The following PASD1 variants were observed in gnomAD, a reference collection of about 807,000 sequenced individuals.
The protein encoded by PASD1 is circadian clock protein PASD1.
In PASD1, 13 loss-of-function variants were observed where a neutral mutation model predicts 58.8. The ratio of observed to expected loss-of-function variants is 0.22; its 90% CI spans 0.14 to 0.35. The LOEUF (loss-of-function observed/expected upper bound fraction) is 0.35. Among genes scored for constraint, PASD1 ranks in the 10% least tolerant of loss-of-function variants. The pLI, the probability that PASD1 is intolerant of heterozygous loss-of-function variation, is 1.00. For missense variants in PASD1, 734 were observed against 568.3 expected, an observed-to-expected ratio of 1.29 and a Z score of -2.96; for synonymous variants, 236 against 216.7, an observed-to-expected ratio of 1.09 and a Z score of -0.78.
At chrX:151,565,403 C>T (rs1202800568) in intron 1 of PASD1, among the ~76,000 whole-genome samples, 1 of 111,338 alleles carries the variant, frequency 9.0e-6, no homozygotes, top group Non-Finnish European at 1.9e-5. Context: ...CTAGCACTTC[C>T]TTAGGAGAGT....
intron 11 of PASD1, among the ~76,000 whole-genome samples, chrX:151,668,526 A>G (rs5969814): frequency 0.024 from 2,633 of 110,854 alleles, 76 homozygotes; most frequent in African/African-American, 0.081. Flanking sequence ...TAAAGGGGAT[A>G]TCACCGCCAA....
At chrX:151,638,312 G>A (rs1288314963) in intron 8 of PASD1, among the ~76,000 whole-genome samples, 1 of 109,082 alleles carries the variant, frequency 9.2e-6, no homozygotes, top group Non-Finnish European at 1.9e-5. Flanking sequence ...GGGGCTGGGG[G>A]AGAGATAGCA....
intron 1 of PASD1, among the ~76,000 whole-genome samples, chrX:151,577,551 G>GTCT (rs1317797552): frequency 2.7e-5 from 3 of 111,276 alleles, no homozygotes; most frequent in African/African-American, 9.8e-5. Flanking sequence ...ATGAGATGAA[G>GTCT]TCTTGCTCTG....
intron 11 of PASD1, among the ~76,000 whole-genome samples, chrX:151,664,937 A>G (rs765135058): frequency 1.8e-5 from 2 of 112,259 alleles, no homozygotes; most frequent in East Asian, 2.8e-4. Flanking sequence ...TGTGTACATA[A>G]CCACAGATTT....
At chrX:151,635,044 T>G (rs1197789422) in intron 8 of PASD1, among the ~76,000 whole-genome samples, 1 of 111,836 alleles carries the variant, frequency 8.9e-6, no homozygotes, top group African/African-American at 3.3e-5. Flanking sequence ...ATTTATTTAT[T>G]CACTGGCTTA....
intron 1 of PASD1, among the ~76,000 whole-genome samples, chrX:151,593,101 T>C (rs1602915809): frequency 9.0e-6 from 1 of 111,238 alleles, no homozygotes; most frequent in East Asian, 2.8e-4. Context: ...GTCCCTTCTT[T>C]TCCCTAGTGA....
At chrX:151,585,736 G>A (rs932915465) in intron 1 of PASD1, among the ~76,000 whole-genome samples, 1 of 111,694 alleles carries the variant, frequency 9.0e-6, no homozygotes, top group African/African-American at 3.3e-5. Flanking sequence ...ATAGATTGAT[G>A]ATATTCATGC....
At chrX:151,625,566 A>G in intron 8 of PASD1, 36 bp downstream of exon 8, 1 of 1,041,389 alleles carries the variant, frequency 9.6e-7, no homozygotes, top group Non-Finnish European at 1.3e-6. Flanking sequence ...ATGAAGATCT[A>G]GAATTCAATT....
chrX:151,653,672 C>G (rs1164985693), intron 9 of PASD1, among the ~76,000 whole-genome samples: 1 of 104,958 alleles, frequency 9.5e-6, no homozygotes, highest in African/African-American at 3.4e-5. Flanking sequence ...TCTTTCCTTC[C>G]TTCCTTCCTT....
At chrX:151,622,617 A>ACACACT (rs1303122421) in intron 6 of PASD1, among the ~76,000 whole-genome samples, 1 of 104,946 alleles carries the variant, frequency 9.5e-6, no homozygotes, top group East Asian at 3.2e-4. Context: ...ACACACACAC[A>ACACACT]CTCCCACACA....
At chrX:151,669,497 G>A (rs762100266) in intron 11 of PASD1, among the ~76,000 whole-genome samples, 1 of 110,232 alleles carries the variant, frequency 9.1e-6, no homozygotes, top group Admixed American at 9.8e-5. Context: ...TGTTCCTAAC[G>A]TTTAACTGTA....
intron 9 of PASD1, 28 bp downstream of exon 9, chrX:151,648,730 A>T (rs140997291): frequency 5.1e-5 from 61 of 1,187,414 alleles, no homozygotes; most frequent in South Asian, 4.0e-4. Flanking sequence ...CATAGACTAC[A>T]ATCTTAGACC....
Position 151,672,239 on chromosome X carries a change from G to A in PASD1, c.1494G>A (p.Glu498=), listed in dbSNP as rs762240485. 2 of 1,164,848 alleles carry A rather than the reference G, an allele frequency of 1.7e-6. No individual in the cohort carries two copies. Among genetic ancestry groups the A allele is most frequent in the South Asian group, 1.9e-5 (1 of 52,132 alleles). ...HLKEQQRQLR[E]QLQQLREQRK... The stretch of plus-strand genomic sequence containing the variant: ...AGGAGCAGCAGCGGCAGCTGCGGGA[G>A]CAGCTGCAACAGCTGAGAGAGCAAA... Residue 498 remains glutamate, a synonymous_variant, in exon 14 of 16, where the codon GAG becomes GAA. Coordinates refer to ENST00000370357, the MANE Select transcript of PASD1 (RefSeq NM_173493.3).
intron 1 of PASD1, among the ~76,000 whole-genome samples, chrX:151,593,449 G>A (rs1242234872): frequency 2.2e-5 from 2 of 92,836 alleles, no homozygotes; most frequent in Non-Finnish European, 4.1e-5. Context: ...CTGTGTCCAA[G>A]TGTTCTCATT....
chrX:151,655,879 C>T (rs1206585567), intron 9 of PASD1, among the ~76,000 whole-genome samples: 110 of 111,936 alleles, frequency 9.8e-4, no homozygotes, highest in Non-Finnish European at 1.8e-3. Context: ...TTTGTCAATT[C>T]TGGCTTTTGT....
At chrX:151,565,325 A>G (rs1286554955) in intron 1 of PASD1, among the ~76,000 whole-genome samples, 1 of 111,947 alleles carries the variant, frequency 8.9e-6, no homozygotes, top group Non-Finnish European at 1.9e-5. Context: ...ATTCAGGCCA[A>G]TGTAGCCAGT....
At chrX:151,596,378 TC>T (rs2013322704) in intron 1 of PASD1, among the ~76,000 whole-genome samples, 1 of 111,279 alleles carries the variant, frequency 9.0e-6, no homozygotes, top group African/African-American at 3.3e-5. Context: ...ATTAATCCAT[TC>T]CCCTGAGAAG....
At chrX:151,665,898 G>A (rs2014371170) in intron 11 of PASD1, among the ~76,000 whole-genome samples, 1 of 100,020 alleles carries the variant, frequency 1.0e-5, no homozygotes, top group African/African-American at 3.7e-5. Context: ...ATGTGTGTGT[G>A]TGTGTTTTTT....
At position 151,639,464 on chromosome X, in the gene PASD1, C is replaced by T. The variant is rs1481208850; in HGVS notation, c.630-9151C>T. Among the ~76,000 whole-genome samples the T allele has an allele frequency of 2.7e-5, 3 of 112,203 alleles. No homozygotes were observed. In the Admixed American group the frequency reaches 2.8e-4, roughly 11 times the overall value. ...AACGAAACGAGAAACTACAATACTA[C>T]AAGAAACTACACCATTCTGCATACA... On this transcript the variant is annotated intron_variant, in intron 8 of 15. Coordinates refer to ENST00000370357, the MANE Select transcript of PASD1 (RefSeq NM_173493.3).
Sources: allele counts gnomAD v4.1 joint callset (sites outside exome capture counted in the v4.1 genomes callset), GRCh38; gene constraint gnomAD v4.1.1; transcripts MANE v1.5; gene names NCBI Gene and HGNC (gene_info 2026-07-23, HGNC 2026-07-21).